Variants in C4orf51 observed in about 807,000 individuals in gnomAD.
C4orf51 encodes chromosome 4 open reading frame 51, also known as uncharacterized protein C4orf51.
A neutral mutation model predicts 25.2 loss-of-function variants in C4orf51; 25 were observed. The ratio of observed to expected loss-of-function variants is 0.99; its 90% CI spans 0.72 to 1.39. The LOEUF (loss-of-function observed/expected upper bound fraction) is 1.39, where lower values mean the gene tolerates loss of function less well. Among genes scored for constraint, C4orf51 ranks in the 40% most tolerant of loss-of-function variants. The pLI is 0.00. For synonymous variants in C4orf51, 100 were observed against 84.5 expected, an observed-to-expected ratio of 1.18 and a Z score of -1.01; for missense variants, 252 against 239.6, an observed-to-expected ratio of 1.05 and a Z score of -0.34.
At chr4:145,743,329 C>T (rs1322802519) in intron 1 of C4orf51, among the ~76,000 whole-genome samples, 1 of 152,156 alleles carries the variant, frequency 6.6e-6, no homozygotes, top group Non-Finnish European at 1.5e-5. Context: ...AAGGGGCCAG[C>T]ATCTTGTGAA....
chr4:145,714,704 G>A (rs986118996), intron 2 of C4orf51, among the ~76,000 whole-genome samples: 2 of 152,194 alleles, frequency 1.3e-5, no homozygotes, highest in Admixed American at 1.3e-4. Flanking sequence ...GTGGTGACAT[G>A]TTTCCTTGAT....
At chr4:145,709,528 G>A (rs1440368554) in intron 2 of C4orf51, among the ~76,000 whole-genome samples, 3 of 152,242 alleles carry the variant, frequency 2.0e-5, no homozygotes, top group South Asian at 2.1e-4. Context: ...AAGAGCTGCA[G>A]GAACATGAAT....
chr4:145,749,371 G>A (rs2126807396), intron 1 of C4orf51, among the ~76,000 whole-genome samples: 1 of 152,052 alleles, frequency 6.6e-6, no homozygotes, highest in East Asian at 1.9e-4. Flanking sequence ...GCTGCTCTAT[G>A]TCTTTTAATC....
downstream of C4orf51, among the ~76,000 whole-genome samples, chr4:145,734,158 T>C (rs1732668728): frequency 6.6e-6 from 1 of 152,236 alleles, no homozygotes; most frequent in Non-Finnish European, 1.5e-5. Flanking sequence ...CTCGCCTGTC[T>C]GTCCACCATT....
At position 145,680,389 on chromosome 4, in the gene C4orf51, C is replaced by A; in HGVS notation, c.186C>A (p.Cys62Ter). 1 of 1,613,932 alleles carries A rather than the reference C, an allele frequency of 6.2e-7. No homozygotes were observed. The highest frequency in any genetic ancestry group is 8.5e-7 in the Non-Finnish European group (1 of 1,179,854). The change falls in exon 1 of 6, where the codon TGC becomes TGA. Residue 62 changes from cysteine to a stop codon, truncating the protein, a stop_gained. Coordinates refer to ENST00000438731, the MANE Select transcript of C4orf51 (RefSeq NM_001080531.3). LOFTEE classifies it high-confidence loss of function. The stretch of plus-strand genomic sequence containing the variant: ...AAAAACAACTGGACAAGTCCATGTG[C>A]AGCCAATTTTCTTTTAGAGCAGGAC... Reference protein sequence around the residue: ...YRKKQLDKSMCSQFSFRAGQH... With the variant: ...YRKKQLDKSM
At chr4:145,758,310 C>T (rs1206990968), downstream of C4orf51, 1 of 152,174 alleles carries the variant, frequency 6.6e-6, no homozygotes, top group East Asian at 1.9e-4. Context: ...CAGTAAACGT[C>T]TCCTTCCTTC....
downstream of C4orf51, among the ~76,000 whole-genome samples, chr4:145,733,037 G>C (rs989096377): frequency 3.9e-4 from 60 of 152,160 alleles, no homozygotes; most frequent in African/African-American, 1.4e-3. Flanking sequence ...CAGTCGCGGG[G>C]GCGGGGGCGG....
At chr4:145,719,417 A>G (rs1309446435) in intron 2 of C4orf51, among the ~76,000 whole-genome samples, 2 of 152,050 alleles carry the variant, frequency 1.3e-5, no homozygotes, top group Non-Finnish European at 2.9e-5. Context: ...CATCCTGGCT[A>G]ACACTGTGAA....
At chr4:145,694,243 T>G in intron 1 of C4orf51, among the ~76,000 whole-genome samples, 1 of 134,634 alleles carries the variant, frequency 7.4e-6, no homozygotes, top group African/African-American at 2.9e-5. Flanking sequence ...ACTTCCTAGA[T>G]GGGATGGCGG....
At chr4:145,693,535 A>G (rs1428711893) in intron 1 of C4orf51, among the ~76,000 whole-genome samples, 1 of 151,588 alleles carries the variant, frequency 6.6e-6, no homozygotes, top group African/African-American at 2.4e-5. Context: ...CCCGTTCTCA[A>G]TGAGCTGTTG....
intron 1 of C4orf51, among the ~76,000 whole-genome samples, chr4:145,695,800 G>A (rs758593273): frequency 4.6e-5 from 7 of 152,114 alleles, no homozygotes; most frequent in Non-Finnish European, 8.8e-5. Context: ...AGAAAATGGG[G>A]TACATATACA....
chr4:145,708,819 C>T (rs745662120), intron 2 of C4orf51, among the ~76,000 whole-genome samples: 12 of 152,222 alleles, frequency 7.9e-5, no homozygotes, highest in Non-Finnish European at 1.8e-4. Context: ...CTCATAGTGA[C>T]TCTCACTTGG....
At chr4:145,782,776 G>A in the C4orf51 span, among the ~76,000 whole-genome samples, 3 of 152,146 alleles carry the variant, frequency 2.0e-5, no homozygotes, top group African/African-American at 4.8e-5. Flanking sequence ...CCCACCACCC[G>A]AATGCTTGGC....
intron 1 of C4orf51, among the ~76,000 whole-genome samples, chr4:145,688,273 A>C (rs759790406): frequency 2.0e-5 from 3 of 152,004 alleles, no homozygotes; most frequent in Non-Finnish European, 4.4e-5. Context: ...AATGTAATCA[A>C]AGATGTGCAA....
intron 1 of C4orf51, chr4:145,764,966 G>A (rs759307501): frequency 6.8e-6 from 11 of 1,610,556 alleles, no homozygotes; most frequent in Admixed American, 3.3e-5. Context: ...GCAGTAAAAG[G>A]TTCTGTACTT....
chr4:145,726,819 T>C, intron 2 of C4orf51, 92 bp from the exon 3 acceptor site: 1 of 1,036,346 alleles, frequency 9.6e-7, no homozygotes, highest in Non-Finnish European at 1.5e-6. Flanking sequence ...TTGAAGTGTG[T>C]ACAATTTGTG....
intron 2 of C4orf51, among the ~76,000 whole-genome samples, chr4:145,711,899 C>T (rs1731153914): frequency 6.6e-6 from 1 of 152,130 alleles, no homozygotes; most frequent in Non-Finnish European, 1.5e-5. Context: ...AAATCTATTG[C>T]TGCCATTTTT....
At chr4:145,745,638 G>C (rs1001952225) in intron 1 of C4orf51, among the ~76,000 whole-genome samples, 1 of 152,090 alleles carries the variant, frequency 6.6e-6, no homozygotes, top group Non-Finnish European at 1.5e-5. Context: ...GGACACTTAG[G>C]TTGCTTCCAA....
At chr4:145,718,308 C>T (rs1267592232) in intron 2 of C4orf51, among the ~76,000 whole-genome samples, 1 of 152,212 alleles carries the variant, frequency 6.6e-6, no homozygotes, top group African/African-American at 2.4e-5. Flanking sequence ...CTTCAAGTCT[C>T]CAAATCAGCT....
Sources: gnomAD v4.1 joint callset for allele counts (sites outside exome capture counted in the v4.1 genomes callset) on GRCh38, gnomAD v4.1.1 for gene constraint, MANE v1.5 for transcripts, NCBI Gene and HGNC (gene_info 2026-07-23, HGNC 2026-07-21) for gene names.